Variants in SCMH1 observed in about 807,000 individuals in gnomAD.
SCMH1 encodes the protein polycomb protein SCMH1.
Under a neutral mutation model 70.8 loss-of-function variants are expected in SCMH1, and 37 were observed. The observed-to-expected ratio is 0.52, with a 90% CI of 0.40 to 0.69. SCMH1 has a LOEUF of 0.69. SCMH1 is among the 30% of genes least tolerant of loss of function. The pLI is 0.00. For missense variants in SCMH1, 607 were observed against 827.3 expected (o/e 0.73, Z 3.27); for synonymous variants, 292 against 307.4 (o/e 0.95, Z 0.52).
At chr1:41,142,669 T>C (rs1351225688) in intron 6 of SCMH1, among the ~76,000 whole-genome samples, 2 of 152,154 alleles carry the variant, frequency 1.3e-5, no homozygotes, top group Non-Finnish European at 2.9e-5. Context: ...TAGAAAGAAT[T>C]TGGAAGAAGC....
chr1:41,035,383 GA>G (rs1645141071), intron 13 of SCMH1, among the ~76,000 whole-genome samples: 1 of 152,126 alleles, frequency 6.6e-6, no homozygotes, highest in Admixed American at 6.6e-5. Flanking sequence ...AAGAATCACA[GA>G]AGAAAACCAT....
intron 13 of SCMH1, among the ~76,000 whole-genome samples, chr1:41,029,011 GGGGACTATTT>G (rs1175712562): frequency 1.3e-5 from 2 of 152,218 alleles, no homozygotes; most frequent in African/African-American, 4.8e-5. Flanking sequence ...AACATGGTAA[GGGGACTATTT>G]GGGTGTCTGG....
chr1:41,077,892 C>T (rs577013225), intron 8 of SCMH1, among the ~76,000 whole-genome samples: 1 of 152,126 alleles, frequency 6.6e-6, no homozygotes, highest in East Asian at 1.9e-4. Context: ...AGAGTCAAAA[C>T]AGTGTGATCA....
intron 6 of SCMH1, among the ~76,000 whole-genome samples, chr1:41,132,978 T>C (rs1342636867): frequency 1.3e-5 from 2 of 152,216 alleles, no homozygotes; most frequent in African/African-American, 4.8e-5. Context: ...GGTAGCATGA[T>C]GCCTCCAGCT....
intron 8 of SCMH1, among the ~76,000 whole-genome samples, chr1:41,106,394 C>T (rs1456185756): frequency 6.6e-6 from 1 of 151,720 alleles, no homozygotes; most frequent in Non-Finnish European, 1.5e-5. Context: ...CCAGCTTTGC[C>T]TTCTACCATG....
intron 13 of SCMH1, among the ~76,000 whole-genome samples, chr1:41,029,589 C>T (rs907591488): frequency 2.6e-5 from 4 of 152,304 alleles, no homozygotes; most frequent in East Asian, 1.9e-4. Context: ...TCAGATATAA[C>T]GCCTCCTGTT....
In SCMH1 at chr1:41,110,186, C is replaced by T. The variant is rs537303019; in HGVS notation, c.745+3097G>A. On this transcript the variant is annotated intron_variant, in intron 8 of 14. Transcript: ENST00000337495. ...AAGTGTGTTTCCCTTTCATTCTGCCCGAGGATCTCTCCACCTCAGTGCAAC... is the reference window on the plus strand; with the variant it reads ...AAGTGTGTTTCCCTTTCATTCTGCCTGAGGATCTCTCCACCTCAGTGCAAC... Among the ~76,000 whole-genome samples the T allele has an allele frequency of 7.2e-5, 11 of 152,296 alleles. No homozygotes were observed. The South Asian group carries it at 8.3e-4, about 11-fold the overall frequency.
chr1:41,242,237 G>C (rs1663757563), upstream of SCMH1: 1 of 144,754 alleles, frequency 6.9e-6, no homozygotes, highest in South Asian at 2.0e-4. This position sits in a 1 kb window ranked among gnomAD's most constrained non-coding sequence, Gnocchi z 5.2. Context: ...GGCGGGGCGG[G>C]GGCTCCCCCG....
chr1:41,191,225 T>C (rs1033018998), intron 1 of SCMH1, among the ~76,000 whole-genome samples: 13 of 152,250 alleles, frequency 8.5e-5, no homozygotes, highest in African/African-American at 3.1e-4. Context: ...CCCAGCTCAA[T>C]TATTTCCACT....
chr1:41,093,426 C>T (rs981723373), intron 8 of SCMH1, among the ~76,000 whole-genome samples: 3 of 151,550 alleles, frequency 2.0e-5, no homozygotes, highest in Non-Finnish European at 4.4e-5. Context: ...ATGTAAATGA[C>T]GAGTTAGTGG....
At chr1:41,200,568 G>C (rs1371948205) in intron 1 of SCMH1, among the ~76,000 whole-genome samples, 1 of 150,244 alleles carries the variant, frequency 6.7e-6, no homozygotes, top group African/African-American at 2.4e-5. Flanking sequence ...GTTAGGAATA[G>C]ATACTAAAAA....
At chr1:41,126,662 C>A (rs1325354928) in intron 6 of SCMH1, among the ~76,000 whole-genome samples, 2 of 152,044 alleles carry the variant, frequency 1.3e-5, no homozygotes, top group African/African-American at 4.8e-5. Context: ...ATTATATATA[C>A]TTTCTGCAAC....
intron 10 of SCMH1, among the ~76,000 whole-genome samples, chr1:41,065,954 C>CCAGTTT (rs1472614026): frequency 6.6e-6 from 1 of 152,168 alleles, no homozygotes; most frequent in African/African-American, 2.4e-5. Flanking sequence ...TGTTCACATC[C>CCAGTTT]CAGTTTCAGT....
intron 1 of SCMH1, among the ~76,000 whole-genome samples, chr1:41,228,856 A>G (rs1660773624): frequency 6.6e-6 from 1 of 152,204 alleles, no homozygotes; most frequent in Non-Finnish European, 1.5e-5. Flanking sequence ...GGGGACCCAG[A>G]GCAGTTGTAG....
At chr1:41,036,128 A>G (rs1645262035) in intron 13 of SCMH1, among the ~76,000 whole-genome samples, 1 of 151,954 alleles carries the variant, frequency 6.6e-6, no homozygotes, top group South Asian at 2.1e-4. Flanking sequence ...GTTAACTGTT[A>G]TTTTCATTCA....
At chr1:41,220,525 A>G (rs923565572) in intron 1 of SCMH1, among the ~76,000 whole-genome samples, 1 of 152,258 alleles carries the variant, frequency 6.6e-6, no homozygotes, top group Non-Finnish European at 1.5e-5. Flanking sequence ...CCTTGAAAGC[A>G]GGAACTATGC....
At chr1:41,228,064 G>C (rs1446573212) in intron 1 of SCMH1, among the ~76,000 whole-genome samples, 1 of 152,188 alleles carries the variant, frequency 6.6e-6, no homozygotes, top group Non-Finnish European at 1.5e-5. Context: ...GGTGCAATAG[G>C]CAGCACAGCA....
intron 1 of SCMH1, among the ~76,000 whole-genome samples, chr1:41,205,829 G>A (rs893377049): frequency 1.3e-5 from 2 of 152,178 alleles, no homozygotes; most frequent in African/African-American, 4.8e-5. Context: ...TCCAGAGAAA[G>A]GATCAGGCAG....
chr1:41,079,966 C>T (rs1322281209), intron 8 of SCMH1, among the ~76,000 whole-genome samples: 1 of 152,012 alleles, frequency 6.6e-6, no homozygotes, highest in Non-Finnish European at 1.5e-5. Context: ...TGAGTTATTC[C>T]TAATACTGTA....
Sources: allele counts gnomAD v4.1 joint callset (sites outside exome capture counted in the v4.1 genomes callset), GRCh38; gene constraint gnomAD v4.1.1; non-coding constraint Gnocchi (gnomAD v3.1); transcripts MANE v1.5; gene names NCBI Gene and HGNC (gene_info 2026-07-23, HGNC 2026-07-21).